Variants in LHFPL6 observed in about 807,000 individuals in gnomAD.
The protein encoded by LHFPL6 is LHFPL tetraspan subfamily member 6.
A neutral mutation model predicts 20.6 loss-of-function variants in LHFPL6; 9 were observed. The observed-to-expected ratio is 0.44, with a 90% CI of 0.26 to 0.76. The LOEUF (loss-of-function observed/expected upper bound fraction) is 0.76. Among genes scored for constraint, LHFPL6 ranks in the 30% least tolerant of loss-of-function variants. The pLI, the probability that LHFPL6 is intolerant of heterozygous loss-of-function variation, is 0.20. For missense variants in LHFPL6, 218 were observed against 253.5 expected, an observed-to-expected ratio of 0.86 and a Z score of 0.95; for synonymous variants, 105 against 98.7, an observed-to-expected ratio of 1.06 and a Z score of -0.38.
intron 2 of LHFPL6, among the ~76,000 whole-genome samples, chr13:39,556,024 C>T (rs552804947): frequency 6.6e-6 from 1 of 152,298 alleles, no homozygotes; most frequent in East Asian, 1.9e-4. Flanking sequence ...CCACTCTTGC[C>T]ATGTGACACA....
At chr13:39,528,480 G>A (rs1451920978) in intron 2 of LHFPL6, among the ~76,000 whole-genome samples, 1 of 152,192 alleles carries the variant, frequency 6.6e-6, no homozygotes, top group Non-Finnish European at 1.5e-5. Context: ...ATCCCAAAGA[G>A]CTCCAGTGCC....
At chr13:39,413,434 A>T (rs1309125912) in intron 2 of LHFPL6, among the ~76,000 whole-genome samples, 4 of 117,758 alleles carry the variant, frequency 3.4e-5, no homozygotes, top group Admixed American at 9.0e-5. Flanking sequence ...ACTACTCAGG[A>T]TTTTTTTTTT....
At chr13:39,350,844 C>T (rs2138336462) in intron 3 of LHFPL6, among the ~76,000 whole-genome samples, 1 of 152,266 alleles carries the variant, frequency 6.6e-6, no homozygotes, top group East Asian at 1.9e-4. Flanking sequence ...AGGGCAGCCC[C>T]AGAGTAGAGA....
chr13:39,350,550 A>G (rs1869534956), intron 3 of LHFPL6, among the ~76,000 whole-genome samples: 1 of 152,248 alleles, frequency 6.6e-6, no homozygotes, highest in African/African-American at 2.4e-5. Flanking sequence ...CTGTCATGGC[A>G]ATAAATGCTT....
Position 39,390,634 on chromosome 13 carries a change from C to T in LHFPL6, c.386-12108G>A, listed in dbSNP as rs117174832. ...GGATGGCTACCAGACTTCCCCACTACGCCATATAACCATGGAACACAACTG... is the reference window on the plus strand; with the variant it reads ...GGATGGCTACCAGACTTCCCCACTATGCCATATAACCATGGAACACAACTG... On this transcript the variant is annotated intron_variant, in intron 2 of 3. Coordinates refer to ENST00000379589, the MANE Select transcript of LHFPL6 (RefSeq NM_005780.3). Among the ~76,000 whole-genome samples, 48 of 152,320 alleles carry T rather than the reference C, an allele frequency of 3.2e-4. No homozygotes were observed. In the East Asian group the frequency reaches 7.3e-3, roughly 23 times the overall value.
intron 2 of LHFPL6, among the ~76,000 whole-genome samples, chr13:39,508,032 T>A (rs1437883834): frequency 6.6e-6 from 1 of 151,882 alleles, no homozygotes; most frequent in African/African-American, 2.4e-5. Context: ...TTTACTTTTT[T>A]TTTTTTGAGG....
At chr13:39,369,584 T>TTCCTTCCTTCCTTCCTTCCCTCCC (rs1566095632) in intron 3 of LHFPL6, among the ~76,000 whole-genome samples, 2 of 145,598 alleles carry the variant, frequency 1.4e-5, no homozygotes, top group Admixed American at 6.9e-5. Flanking sequence ...CCTTCCTTCC[T>TTCCTTCCTTCCTTCCTTCCCTCCC]TCCTTCCTTC....
At chr13:39,452,526 A>G (rs1872477314) in intron 2 of LHFPL6, among the ~76,000 whole-genome samples, 1 of 152,222 alleles carries the variant, frequency 6.6e-6, no homozygotes, top group Admixed American at 6.5e-5. Context: ...AAAGTGGAGC[A>G]GTAGGGAGAT....
intron 3 of LHFPL6, among the ~76,000 whole-genome samples, chr13:39,346,197 G>A (rs948543645): frequency 5.3e-5 from 8 of 152,144 alleles, no homozygotes; most frequent in Admixed American, 4.6e-4. Context: ...AGCTAAGGGA[G>A]TTATTGGCTT....
chr13:39,418,884 C>T (rs1566107065), intron 2 of LHFPL6, among the ~76,000 whole-genome samples: 1 of 152,180 alleles, frequency 6.6e-6, no homozygotes, highest in Non-Finnish European at 1.5e-5. Flanking sequence ...TCATCCTGAG[C>T]TGCCTGGGAG....
At chr13:39,371,099 C>T (rs1870156847) in intron 3 of LHFPL6, among the ~76,000 whole-genome samples, 1 of 152,148 alleles carries the variant, frequency 6.6e-6, no homozygotes, top group Non-Finnish European at 1.5e-5. Flanking sequence ...AAGAAACAGA[C>T]TCTCATCTTT....
At chr13:39,438,954 G>A (rs1872038527) in intron 2 of LHFPL6, among the ~76,000 whole-genome samples, 1 of 152,190 alleles carries the variant, frequency 6.6e-6, no homozygotes, top group African/African-American at 2.4e-5. Context: ...GAGGCAAAAT[G>A]TGGGGTCGGA....
chr13:39,522,878 T>C (rs1433249071), intron 2 of LHFPL6, among the ~76,000 whole-genome samples: 1 of 152,218 alleles, frequency 6.6e-6, no homozygotes, highest in Non-Finnish European at 1.5e-5. Flanking sequence ...TGTAGAAATA[T>C]GAGCAGAATG....
intron 2 of LHFPL6, among the ~76,000 whole-genome samples, chr13:39,530,298 A>G (rs1410231770): frequency 6.6e-6 from 1 of 151,988 alleles, no homozygotes; most frequent in Non-Finnish European, 1.5e-5. Flanking sequence ...GCATATGTAA[A>G]GACATGGGGA....
intron 2 of LHFPL6, among the ~76,000 whole-genome samples, chr13:39,549,171 T>C (rs1871070769): frequency 6.6e-6 from 1 of 152,052 alleles, no homozygotes; most frequent in African/African-American, 2.4e-5. Context: ...TCACTGACCA[T>C]CAGGAAAAAA....
chr13:39,388,702 A>C (rs1028354067), intron 2 of LHFPL6, among the ~76,000 whole-genome samples: 3 of 152,202 alleles, frequency 2.0e-5, no homozygotes, highest in African/African-American at 7.2e-5. Context: ...TAGGATGCAC[A>C]GTGTTGTGGG....
At chr13:39,565,035 T>C (rs949148472) in intron 2 of LHFPL6, among the ~76,000 whole-genome samples, 3 of 152,210 alleles carry the variant, frequency 2.0e-5, no homozygotes, top group Non-Finnish European at 1.5e-5. Context: ...ACATCTCTTC[T>C]ACATTCCAAT....
intron 2 of LHFPL6, among the ~76,000 whole-genome samples, chr13:39,479,666 G>C (rs1241700785): frequency 6.6e-6 from 1 of 152,168 alleles, no homozygotes; most frequent in Non-Finnish European, 1.5e-5. Context: ...CAGACATTGT[G>C]CTAAATGCTG....
At chr13:39,466,764 C>T (rs1378491037) in intron 2 of LHFPL6, among the ~76,000 whole-genome samples, 2 of 152,200 alleles carry the variant, frequency 1.3e-5, no homozygotes, top group East Asian at 1.9e-4. Context: ...TGCACTTCAT[C>T]GGCAAACACC....
Sources: gnomAD v4.1 joint callset for allele counts (sites outside exome capture counted in the v4.1 genomes callset) on GRCh38, gnomAD v4.1.1 for gene constraint, MANE v1.5 for transcripts, NCBI Gene and HGNC (gene_info 2026-07-23, HGNC 2026-07-21) for gene names.